CPNE5: variants seen among roughly 807,000 people sequenced by gnomAD.
The protein encoded by CPNE5 is copine-5.
Under a neutral mutation model 81.1 loss-of-function variants are expected in CPNE5, and 42 were observed. The ratio of observed to expected loss-of-function variants is 0.52; its 90% CI spans 0.40 to 0.67. CPNE5 has a LOEUF of 0.67. Among genes scored for constraint, CPNE5 ranks in the 30% least tolerant of loss-of-function variants. The pLI is 0.00. For synonymous variants in CPNE5, 313 were observed against 321.5 expected, an observed-to-expected ratio of 0.97 and a Z score of 0.28; for missense variants, 612 against 815.5, an observed-to-expected ratio of 0.75 and a Z score of 3.04.
chr6:36,794,458 G>T, intron 7 of CPNE5, 132 bp downstream of exon 7: 1 of 806,920 alleles, frequency 1.2e-6, no homozygotes, highest in South Asian at 1.7e-5. Context: ...AGGAACCCAG[G>T]ACTCTCTGTC....
chr6:36,750,582 C>A (rs1287952594), intron 14 of CPNE5, among the ~76,000 whole-genome samples: 2 of 152,182 alleles, frequency 1.3e-5, no homozygotes, highest in Non-Finnish European at 2.9e-5. Context: ...AAAAACAGAC[C>A]TTTATTGGTA....
chr6:36,788,831 G>C (rs1305728345), intron 8 of CPNE5, among the ~76,000 whole-genome samples: 3 of 152,128 alleles, frequency 2.0e-5, no homozygotes, highest in Admixed American at 6.5e-5. Context: ...GATGAACAAG[G>C]CTTTTCTATA....
chr6:36,796,036 C>T (rs1171211279), intron 6 of CPNE5, among the ~76,000 whole-genome samples: 1 of 152,172 alleles, frequency 6.6e-6, no homozygotes, highest in African/African-American at 2.4e-5. Flanking sequence ...GCAACCTCCG[C>T]CTCCTGGGTT....
At chr6:36,768,560 T>A (rs967337815) in intron 10 of CPNE5, among the ~76,000 whole-genome samples, 3 of 152,180 alleles carry the variant, frequency 2.0e-5, no homozygotes, top group African/African-American at 7.2e-5. Context: ...CTGTCCACCC[T>A]GGTTGGGCTG....
chr6:36,765,462 G>A, intron 10 of CPNE5, 86 bp from the exon 11 acceptor site: 1 of 1,530,360 alleles, frequency 6.5e-7, no homozygotes, highest in Non-Finnish European at 9.0e-7. Context: ...TCCCGGACCA[G>A]ATAGGGAGGC....
At chr6:36,759,115 T>C (rs979545579) in intron 12 of CPNE5, among the ~76,000 whole-genome samples, 1 of 152,230 alleles carries the variant, frequency 6.6e-6, no homozygotes, top group Admixed American at 6.5e-5. Context: ...CTGGGGAGAA[T>C]GAACCCGGAG....
intron 8 of CPNE5, among the ~76,000 whole-genome samples, chr6:36,781,635 C>A (rs80348966): frequency 2.5e-3 from 375 of 152,252 alleles, no homozygotes; most frequent in African/African-American, 8.6e-3. Context: ...CCCTAGGGAG[C>A]CCCATCCATG....
chr6:36,835,958 T>C (rs966589455), intron 1 of CPNE5, among the ~76,000 whole-genome samples: 2 of 152,198 alleles, frequency 1.3e-5, no homozygotes, highest in African/African-American at 4.8e-5. Context: ...TTAAGCCTCA[T>C]AACTGATAAG....
At chr6:36,794,042 G>A (rs1271009533) in intron 7 of CPNE5, among the ~76,000 whole-genome samples, 3 of 152,222 alleles carry the variant, frequency 2.0e-5, no homozygotes, top group Non-Finnish European at 4.4e-5. Flanking sequence ...AGATGGTCAG[G>A]GTGGTGGAGT....
intron 1 of CPNE5, among the ~76,000 whole-genome samples, chr6:36,835,200 A>C (rs1459193936): frequency 1.3e-5 from 2 of 152,230 alleles, no homozygotes; most frequent in Non-Finnish European, 2.9e-5. Context: ...CGCAAGTGCA[A>C]AGGTTTCTTG....
At chr6:36,804,168 T>C (rs571778552) in intron 3 of CPNE5, among the ~76,000 whole-genome samples, 1 of 152,332 alleles carries the variant, frequency 6.6e-6, no homozygotes, top group African/African-American at 2.4e-5. Flanking sequence ...AACCCAGGTA[T>C]ATCTAACTCC....
chr6:36,751,782 G>A (rs1017979824), intron 14 of CPNE5, among the ~76,000 whole-genome samples: 21 of 151,842 alleles, frequency 1.4e-4, no homozygotes, highest in Admixed American at 1.3e-3. Flanking sequence ...GTGACAGAGC[G>A]AGACTCTGTC....
intron 3 of CPNE5, among the ~76,000 whole-genome samples, chr6:36,813,782 C>T (rs908417216): frequency 2.0e-5 from 3 of 152,186 alleles, no homozygotes; most frequent in Non-Finnish European, 2.9e-5. Context: ...CCCTGCCCCC[C>T]AGAATGATGC....
At chr6:36,750,831 G>A (rs1764733562) in intron 14 of CPNE5, among the ~76,000 whole-genome samples, 1 of 152,212 alleles carries the variant, frequency 6.6e-6, no homozygotes, top group Non-Finnish European at 1.5e-5. Flanking sequence ...CAGGGTGAGG[G>A]GAAAGGCAGG....
At chr6:36,745,329 G>C in intron 17 of CPNE5, 59 bp downstream of exon 17, 1 of 1,566,466 alleles carries the variant, frequency 6.4e-7, no homozygotes, top group Non-Finnish European at 8.7e-7. Context: ...CCCAGAGGCA[G>C]AGCTGGTGTG....
intron 1 of CPNE5, among the ~76,000 whole-genome samples, chr6:36,835,195 G>C (rs1773376124): frequency 6.6e-6 from 1 of 152,248 alleles, no homozygotes; most frequent in South Asian, 2.1e-4. Flanking sequence ...CCCTGCGCAA[G>C]TGCAAAGGTT....
At chr6:36,796,420 C>A (rs1042560179) in intron 6 of CPNE5, among the ~76,000 whole-genome samples, 2 of 152,204 alleles carry the variant, frequency 1.3e-5, no homozygotes, top group African/African-American at 4.8e-5. Flanking sequence ...GCTTTGGACC[C>A]AGGCAGCTGG....
intron 12 of CPNE5, among the ~76,000 whole-genome samples, chr6:36,758,665 G>A (rs557153011): frequency 4.6e-5 from 7 of 152,274 alleles, no homozygotes; most frequent in Admixed American, 3.9e-4. Flanking sequence ...TGAGAACAGC[G>A]CTGTCAAGAA....
At chr6:36,777,764 CACCACACACA>C (rs751371300) in intron 9 of CPNE5, among the ~76,000 whole-genome samples, 3 of 11,546 alleles carry the variant, frequency 2.6e-4, no homozygotes, top group African/African-American at 2.6e-4. Context: ...CCCCCCCCCC[CACCACACACA>C]CACACACACA....
Sources: allele counts gnomAD v4.1 joint callset (sites outside exome capture counted in the v4.1 genomes callset), GRCh38; gene constraint gnomAD v4.1.1; transcripts MANE v1.5; gene names NCBI Gene and HGNC (gene_info 2026-07-23, HGNC 2026-07-21).